IPMK: variants seen among roughly 807,000 people sequenced by gnomAD.
IPMK encodes the protein inositol 1,3,4,6-tetrakisphosphate 5-kinase.
A neutral mutation model predicts 45.8 loss-of-function variants in IPMK; 17 were observed. That is an observed-to-expected ratio of 0.37 (90% confidence interval 0.25 to 0.56). The LOEUF (loss-of-function observed/expected upper bound fraction) is 0.56. Among genes scored for constraint, IPMK ranks in the 20% least tolerant of loss-of-function variants. IPMK has a pLI of 0.79. For synonymous variants in IPMK, 180 were observed against 184.3 expected, an observed-to-expected ratio of 0.98 and a Z score of 0.19; for missense variants, 399 against 498.0, an observed-to-expected ratio of 0.80 and a Z score of 1.89.
At position 58,267,636 on chromosome 10, in the gene IPMK, C is replaced by G; in HGVS notation, c.-25G>C. The G allele has an allele frequency of 6.5e-7, 1 of 1,534,724 alleles. No individual in the cohort carries two copies. The highest frequency in any genetic ancestry group is 8.9e-7 in the Non-Finnish European group (1 of 1,128,538). On this transcript the variant is annotated 5_prime_UTR_variant, in exon 1 of 6. Transcript: ENST00000373935. ...TAACGGAGAGCAGAAGCGGTAACGG[C>G]AGCGAGAGTAGGAAAAAAAATAGGG... is the stretch of plus-strand genomic sequence containing the variant.
chr10:58,237,666 G>A, intron 2 of IPMK, 63 bp downstream of exon 2: 1 of 1,201,294 alleles, frequency 8.3e-7, no homozygotes, highest in Non-Finnish European at 1.2e-6. Flanking sequence ...CTTACTGTGA[G>A]TCACCACCAG....
At chr10:58,215,385 A>ATTTGT (rs1838228545) in intron 4 of IPMK, among the ~76,000 whole-genome samples, 1 of 143,924 alleles carries the variant, frequency 6.9e-6, no homozygotes, top group South Asian at 2.2e-4. Flanking sequence ...ACAATTACCT[A>ATTTGT]TTTTTTTTTT....
In IPMK at chr10:58,197,169, G is replaced by A. The variant is rs145355096; in HGVS notation, c.629-471C>T. 6.0e-3 allele frequency among the ~76,000 whole-genome samples: 905 copies of A among 151,664 alleles called. 11 individuals carry two copies. Among genetic ancestry groups the A allele is most frequent in the African/African-American group, 0.021 (857 of 41,358 alleles). ...CAAAAAATTAGCCGGGGATGGTGGC[G>A]GGCACCTGTAGTCCCAGCTACTCCG... On this transcript the variant is annotated intron_variant, in intron 5 of 5. Transcript: ENST00000373935.
intron 2 of IPMK, among the ~76,000 whole-genome samples, chr10:58,230,310 G>T (rs912202101): frequency 1.1e-4 from 16 of 152,202 alleles, no homozygotes; most frequent in African/African-American, 3.9e-4. Context: ...GGTTCTCCCG[G>T]CATGGTGTTT....
At chr10:58,199,402 G>A in intron 4 of IPMK, 81 bp from the exon 5 acceptor site, 9 of 790,844 alleles carry the variant, frequency 1.1e-5, no homozygotes, top group South Asian at 4.6e-5. Flanking sequence ...GGTGGCTAAA[G>A]ATGAAATCTA....
intron 1 of IPMK, among the ~76,000 whole-genome samples, chr10:58,251,402 A>G (rs1233999428): frequency 6.6e-6 from 1 of 152,128 alleles, no homozygotes; most frequent in Non-Finnish European, 1.5e-5. Flanking sequence ...GGGACCTAAC[A>G]TATGATTTAT....
At chr10:58,200,933 C>T (rs1837987092) in intron 4 of IPMK, among the ~76,000 whole-genome samples, 2 of 151,974 alleles carry the variant, frequency 1.3e-5, no homozygotes, top group Admixed American at 1.3e-4. Flanking sequence ...TTAGGGTATT[C>T]ACCACTACAA....
chr10:58,237,627 A>G, intron 2 of IPMK, 102 bp downstream of exon 2: 1 of 837,968 alleles, frequency 1.2e-6, no homozygotes. Flanking sequence ...CGTTACATAC[A>G]CACAGTGACT....
chr10:58,208,751 T>G (rs1057354559), intron 4 of IPMK, among the ~76,000 whole-genome samples: 19 of 152,218 alleles, frequency 1.2e-4, no homozygotes, highest in African/African-American at 4.3e-4. Flanking sequence ...TCTCGTGGTG[T>G]ACACCTTATT....
At chr10:58,266,137 C>T (rs1423065228) in intron 1 of IPMK, among the ~76,000 whole-genome samples, 1 of 152,118 alleles carries the variant, frequency 6.6e-6, no homozygotes, top group Non-Finnish European at 1.5e-5. Flanking sequence ...TATACTAAAA[C>T]AACTGTCAAT....
intron 2 of IPMK, among the ~76,000 whole-genome samples, chr10:58,229,917 C>A (rs143731620): frequency 6.6e-6 from 1 of 152,112 alleles, no homozygotes; most frequent in Non-Finnish European, 1.5e-5. Flanking sequence ...CAAGGGAAGC[C>A]GTGACAGACT....
chr10:58,247,871 A>C (rs1342417175), intron 1 of IPMK, among the ~76,000 whole-genome samples: 1 of 152,242 alleles, frequency 6.6e-6, no homozygotes. Context: ...ATAAACTCTC[A>C]CATTAAAAGG....
rs1179717040 is a variant in IPMK at position 58,227,080 on chromosome 10, T to C, written c.336A>G (p.Lys112=). Residue 112 remains lysine, a synonymous_variant, in exon 3 of 6, where the codon AAA becomes AAG. Coordinates refer to ENST00000373935, the MANE Select transcript of IPMK (RefSeq NM_152230.5). ...VLLELRKYLP[K]YYGIWSPPTA... is the part of the protein sequence containing the mutation. ...TGGGAGGTGACCAGATGCCATAATA[T>C]TTTGGCAAATATTTTCGTAGCTCTA... 1 of 1,613,126 alleles carries C rather than the reference T, an allele frequency of 6.2e-7. No homozygotes were observed. Among genetic ancestry groups the C allele is most frequent in the African/African-American group, 1.3e-5 (1 of 74,900 alleles).
chr10:58,211,295 G>T (rs768755756), intron 4 of IPMK, among the ~76,000 whole-genome samples: 21 of 151,722 alleles, frequency 1.4e-4, no homozygotes, highest in Non-Finnish European at 2.2e-4. Context: ...GGGTTCAAGT[G>T]ATTCTCCTGC....
chr10:58,246,457 T>C (rs1335406437), intron 1 of IPMK, among the ~76,000 whole-genome samples: 1 of 142,040 alleles, frequency 7.0e-6, no homozygotes, highest in Admixed American at 6.8e-5. Flanking sequence ...AAAACACAGA[T>C]ATAGATCAAT....
chr10:58,224,886 A>G (rs1251781334), intron 3 of IPMK, among the ~76,000 whole-genome samples: 1 of 152,230 alleles, frequency 6.6e-6, no homozygotes, highest in Non-Finnish European at 1.5e-5. Context: ...AAACATGTAC[A>G]TAAGTTTGCT....
intron 1 of IPMK, 25 bp downstream of exon 1, chr10:58,267,397 C>T (rs1450315128): frequency 5.6e-6 from 9 of 1,610,618 alleles, no homozygotes; most frequent in South Asian, 1.1e-5. Flanking sequence ...AGGGGAGCGG[C>T]GAGACCTATG....
chr10:58,210,012 A>G (rs1361418887), intron 4 of IPMK, among the ~76,000 whole-genome samples: 1 of 151,774 alleles, frequency 6.6e-6, no homozygotes, highest in Non-Finnish European at 1.5e-5. Flanking sequence ...CCAAGAGTTT[A>G]TGTCTTATCA....
chr10:58,210,468 A>T (rs73292980), intron 4 of IPMK, among the ~76,000 whole-genome samples: 1 of 152,076 alleles, frequency 6.6e-6, no homozygotes, highest in Non-Finnish European at 1.5e-5. Flanking sequence ...ATTCTGCTCA[A>T]GTAAGTTCGT....
Sources: gnomAD v4.1 joint callset for allele counts (sites outside exome capture counted in the v4.1 genomes callset) on GRCh38, gnomAD v4.1.1 for gene constraint, MANE v1.5 for transcripts, NCBI Gene and HGNC (gene_info 2026-07-23, HGNC 2026-07-21) for gene names.